EPG5: variants seen among roughly 807,000 people sequenced by gnomAD.
The protein encoded by EPG5 is ectopic P-granules 5 autophagy tethering factor.
In EPG5, 159 loss-of-function variants were observed where a neutral mutation model predicts 302.7. The ratio of observed to expected loss-of-function variants is 0.53; its 90% confidence interval spans 0.46 to 0.60. The LOEUF (loss-of-function observed/expected upper bound fraction) is 0.60. EPG5 is among the 20% of genes least tolerant of loss of function. The pLI is 0.00. For synonymous variants in EPG5, 1,158 were observed against 1,136.8 expected (o/e 1.02, Z -0.37); for missense variants, 2,896 against 3,092.4 (o/e 0.94, Z 1.51).
chr18:45,950,243 A>T (rs970617678), intron 4 of EPG5, among the ~76,000 whole-genome samples: 1 of 152,232 alleles, frequency 6.6e-6, no homozygotes, highest in African/African-American at 2.4e-5. Context: ...TAAACATAAT[A>T]AGATATCTTG....
intron 27 of EPG5, among the ~76,000 whole-genome samples, chr18:45,894,712 G>A (rs11661333): frequency 0.18 from 26,911 of 152,132 alleles, 2,658 homozygotes; most frequent in Admixed American, 0.3. Flanking sequence ...CAGCATATGC[G>A]AAGAACAAAG....
At position 45,860,311 on chromosome 18, in the gene EPG5, T is replaced by A; in HGVS notation, c.6802A>T (p.Ser2268Cys). ...ATCATCAGGACTTCCATAAAGAGGCTGCTGAGGGCCATGTGGCGGGTCTGG... is the reference window on the plus strand; with the variant it reads ...ATCATCAGGACTTCCATAAAGAGGCAGCTGAGGGCCATGTGGCGGGTCTGG... ...DSQTRHMALS[S>C]LFMEVLMMMN... The change falls in exon 40 of 44, where the codon AGC (serine) becomes TGC (cysteine). Residue 2268 changes from serine to cysteine, a missense_variant. Ser to Cys is a moderately radical substitution (Grantham distance 112). Transcript: ENST00000282041. 1.2e-6 allele frequency: 2 copies of A among 1,614,246 alleles called. No homozygotes were observed.
rs757958571 is a variant in EPG5 at position 45,943,231 on chromosome 18, C to T, written c.1873G>A (p.Ala625Thr). Reference protein sequence around the residue: ...AFANSLVELLAVGLETFNRAR... With the variant: ...AFANSLVELLTVGLETFNRAR... ...CTATTAAAGGTTTCTAACCCCACAG[C>T]CAGAAGTTCCACTAGTGAGTTGGCA... The change falls in exon 9 of 44, where the codon GCT becomes ACT. Residue 625 changes from alanine to threonine, a missense_variant. This residue lies in a region of EPG5 where 1,390 missense variants were observed against 1,430.0 expected (regional missense o/e 0.97). Coordinates refer to ENST00000282041, the MANE Select transcript of EPG5 (RefSeq NM_020964.3). 2 of 1,614,110 alleles carry T rather than the reference C, an allele frequency of 1.2e-6. No homozygotes were observed. The highest frequency in any genetic ancestry group is 1.3e-5 in the African/African-American group (1 of 75,026).
chr18:45,938,286 C>A (rs1257632276), intron 10 of EPG5, among the ~76,000 whole-genome samples: 1 of 152,006 alleles, frequency 6.6e-6, no homozygotes, highest in Non-Finnish European at 1.5e-5. Flanking sequence ...CATGGTGAAA[C>A]CCCGTCTCTA....
At position 45,876,292 on chromosome 18, in the gene EPG5, G is replaced by A. The variant is rs1568112516; in HGVS notation, c.5993C>T (p.Ser1998Leu). The change falls in exon 35 of 44, where the codon TCA becomes TTA. Residue 1998 changes from serine (S) to leucine (L), a missense_variant. Physicochemically the swap from Ser to Leu is moderately radical, Grantham distance 145 (BLOSUM62 -2). Transcript: ENST00000282041. Reference sequence around the variant, plus strand: ...GTCAGTGAACAGCTGCACAATGCTTGAGGCCACCACAGTATCACTCTCTAG... The same window carrying A: ...GTCAGTGAACAGCTGCACAATGCTTAAGGCCACCACAGTATCACTCTCTAG... The part of the protein sequence containing the change: ...PWLESDTVVA[S>L]SIVQLFTDCI... 3 of 1,613,990 alleles carry A rather than the reference G, an allele frequency of 1.9e-6. No homozygotes were observed. The highest frequency in any genetic ancestry group is 1.7e-5 in the Admixed American group (1 of 59,992).
chr18:45,831,804 C>G, the EPG5 span, among the ~76,000 whole-genome samples: 1 of 150,586 alleles, frequency 6.6e-6, no homozygotes, highest in Non-Finnish European at 1.5e-5. Context: ...GTGGGGCAAT[C>G]TCGGCTCACT....
At chr18:45,833,124 T>C in the EPG5 span, among the ~76,000 whole-genome samples, 2 of 152,108 alleles carry the variant, frequency 1.3e-5, no homozygotes, top group East Asian at 1.9e-4. Context: ...TTGGCTCTTG[T>C]CCTTGGGCAC....
chr18:45,914,037 T>G (rs1032762707), intron 20 of EPG5, among the ~76,000 whole-genome samples: 1 of 152,208 alleles, frequency 6.6e-6, no homozygotes, highest in African/African-American at 2.4e-5. Context: ...AAATGTTACA[T>G]TCCTTTGGAA....
In EPG5 at chr18:45,927,826, G is replaced by A. The variant is rs538320081; in HGVS notation, c.2553+1043C>T. Among the ~76,000 whole-genome samples the A allele has an allele frequency of 9.9e-5, 15 of 152,164 alleles. 1 individual carries two copies. Among genetic ancestry groups the A allele is most frequent in the Admixed American group, 3.9e-4 (6 of 15,284 alleles). The stretch of plus-strand genomic sequence containing the variant: ...GACAGACATTAGATTAGGGCTTAGG[G>A]CCCTAATCTATGAAAGGTGCTTAGG... On this transcript the variant is annotated intron_variant, in intron 13 of 43. Coordinates refer to ENST00000282041, the MANE Select transcript of EPG5 (RefSeq NM_020964.3).
In EPG5 at chr18:45,951,144, A is replaced by G; in HGVS notation, c.1347T>C (p.Asp449=). 1 of 1,595,214 alleles carries G rather than the reference A, an allele frequency of 6.3e-7. No homozygotes were observed. The highest frequency in any genetic ancestry group is 2.3e-5 in the East Asian group (1 of 44,050). ...GAAGAATATCATCATGAAACTGAGT[A>G]TCTTCATTAACTCTCCTGGTGAACA... ...LFMFTRRVNE[D]TQFHDDILLW... is the part of the protein sequence containing the mutation. Residue 449 remains aspartate, a synonymous_variant, in exon 4 of 44, where the codon GAT becomes GAC. Transcript: ENST00000282041.
intron 26 of EPG5, among the ~76,000 whole-genome samples, chr18:45,900,060 G>A (rs533073091): frequency 3.9e-5 from 6 of 152,192 alleles, no homozygotes; most frequent in South Asian, 4.2e-4. Flanking sequence ...CAACACACAC[G>A]CAACAAATGC....
At chr18:45,867,530 G>A in intron 37 of EPG5, 33 bp downstream of exon 37, 1 of 1,586,060 alleles carries the variant, frequency 6.3e-7, no homozygotes, top group Non-Finnish European at 8.6e-7. Context: ...AAGCAGCCTT[G>A]CCGAATTTTT....
At chr18:45,826,478 G>C in the EPG5 span, among the ~76,000 whole-genome samples, 1 of 152,146 alleles carries the variant, frequency 6.6e-6, no homozygotes, top group African/African-American at 2.4e-5. Context: ...GTATCAGGCA[G>C]CAAGTCCTAG....
chr18:45,858,690 T>G lies in EPG5; in HGVS notation c.7102A>C (p.Thr2368Pro). 1 of 1,614,096 alleles carries G rather than the reference T, an allele frequency of 6.2e-7. No homozygotes were observed. Among genetic ancestry groups the G allele is most frequent in the South Asian group, 1.1e-5 (1 of 91,086 alleles). The part of the protein sequence containing the change: ...TMEEFLQECL[T>P]LGSYLTLYVY... ...TAAAGAGTCAAGTAACTGCCCAAGG[T>G]GAGGCACTCCTGCAGGAACTCTTCC... Residue 2368 changes from threonine (T) to proline (P), a missense_variant, in exon 41 of 44, where the codon ACC becomes CCC. Physicochemically the swap from Thr to Pro is conservative, Grantham distance 38 (BLOSUM62 -1). Around this residue, in one of 5 missense-constraint regions of EPG5, gnomAD observed 620 missense variants for 704.2 expected, o/e 0.88. Transcript: ENST00000282041.
chr18:45,928,861 G>A lies in EPG5; in HGVS notation c.2553+8C>T. 6.2e-7 allele frequency: 1 copy of A among 1,606,598 alleles called. No homozygotes were observed. Among genetic ancestry groups the A allele is most frequent in the South Asian group, 1.1e-5 (1 of 89,216 alleles). ...AAAAACAAAAACAAACAAAATCAGT[G>A]CTCTTACCATTCCAACCTGGTCAAT... is the stretch of plus-strand genomic sequence containing the variant. On this transcript the variant is annotated splice_region_variant and intron_variant, in intron 13 of 43. Transcript: ENST00000282041.
the EPG5 span, among the ~76,000 whole-genome samples, chr18:45,831,823 C>T: frequency 6.6e-6 from 1 of 151,666 alleles, no homozygotes; most frequent in Non-Finnish European, 1.5e-5. Flanking sequence ...CTGCAGCCTC[C>T]GCCTCCCGGG....
chr18:45,945,910 C>T (rs1209173201), intron 7 of EPG5, among the ~76,000 whole-genome samples: 1 of 152,184 alleles, frequency 6.6e-6, no homozygotes, highest in Non-Finnish European at 1.5e-5. Flanking sequence ...CCAACAGCTG[C>T]CACGGCTGTC....
chr18:45,954,292 G>A, intron 2 of EPG5, 102 bp downstream of exon 2: 4 of 1,074,146 alleles, frequency 3.7e-6, no homozygotes, highest in Non-Finnish European at 5.4e-6. Context: ...ACTCTAGGCT[G>A]AGGCAGGGTC....
At chr18:45,845,677 G>GA (rs557811229), downstream of EPG5, among the ~76,000 whole-genome samples, 233 of 152,356 alleles carry the variant, frequency 1.5e-3, no homozygotes, top group African/African-American at 5.2e-3. Context: ...GTGTTTTCAA[G>GA]ATTGGACTTC....
Sources: allele counts gnomAD v4.1 joint callset (sites outside exome capture counted in the v4.1 genomes callset), GRCh38; gene constraint gnomAD v4.1.1; regional missense constraint gnomAD v4.1.1; transcripts MANE v1.5; gene names NCBI Gene and HGNC (gene_info 2026-07-23, HGNC 2026-07-21).